The following PCDH15 variants were observed in gnomAD, a reference collection of about 807,000 sequenced individuals.
PCDH15 encodes protocadherin related 15, also known as protocadherin-15.
A neutral mutation model predicts 178.5 loss-of-function variants in PCDH15; 129 were observed. That is an observed-to-expected ratio of 0.72 (90% CI 0.63 to 0.84). The LOEUF is 0.84. Among genes scored for constraint, PCDH15 ranks in the 40% least tolerant of loss-of-function variants. The pLI is 0.00. For missense variants in PCDH15, 2,230 were observed against 2,099.9 expected (o/e 1.06, Z -1.21); for synonymous variants, 800 against 732.0 (o/e 1.09, Z -1.50).
chr10:55,329,838 C>G (rs1011124462), intron 2 of PCDH15, among the ~76,000 whole-genome samples: 1 of 151,594 alleles, frequency 6.6e-6, no homozygotes, highest in Non-Finnish European at 1.5e-5. Flanking sequence ...ATATTTTTTT[C>G]CATACAAAGG....
intron 15 of PCDH15, among the ~76,000 whole-genome samples, chr10:54,096,418 T>G (rs2136109460): frequency 6.6e-6 from 1 of 152,264 alleles, no homozygotes. Context: ...TACTCTACAC[T>G]ATTTATCATA....
intron 3 of PCDH15, among the ~76,000 whole-genome samples, chr10:54,866,182 G>A (rs984555221): frequency 5.9e-5 from 9 of 152,138 alleles, no homozygotes; most frequent in Non-Finnish European, 1.3e-4. Context: ...TTTAGTTCAT[G>A]CGTTAAATTA....
chr10:54,599,344 A>G (rs1204115454), intron 2 of PCDH15, among the ~76,000 whole-genome samples: 1 of 152,072 alleles, frequency 6.6e-6, no homozygotes, highest in Non-Finnish European at 1.5e-5. Flanking sequence ...GAGTCAAGAA[A>G]TAAGTCTGTA....
At chr10:54,342,275 C>A (rs999607245) in intron 6 of PCDH15, among the ~76,000 whole-genome samples, 1 of 152,162 alleles carries the variant, frequency 6.6e-6, no homozygotes, top group Non-Finnish European at 1.5e-5. Context: ...GACCAGGGCC[C>A]CACTGCTCTG....
rs1231685163 is a variant in PCDH15 at position 55,294,679 on chromosome 10, A to G, written c.-156+24920T>C. Among the ~76,000 whole-genome samples, 4 of 152,338 alleles carry G rather than the reference A, an allele frequency of 2.6e-5. No individual in the cohort carries two copies. The East Asian group carries it at 5.8e-4, about 22-fold the overall frequency. On this transcript the variant is annotated intron_variant, in intron 1 of 5. Coordinates refer to the PCDH15 transcript ENST00000458638. ...ATAATGCTTTGCATATAGGAGTCCA[A>G]TGTGTTCATCATTCCCAATAAGCCT...
intron 11 of PCDH15, among the ~76,000 whole-genome samples, chr10:54,186,872 A>T (rs548129716): frequency 6.6e-6 from 1 of 152,032 alleles, no homozygotes; most frequent in Non-Finnish European, 1.5e-5. Flanking sequence ...TAGAAAATGC[A>T]TATGTCTATT....
At chr10:54,105,640 C>T (rs1043515692) in intron 15 of PCDH15, among the ~76,000 whole-genome samples, 4 of 151,960 alleles carry the variant, frequency 2.6e-5, no homozygotes, top group African/African-American at 9.7e-5. Flanking sequence ...TCTGCCTTTC[C>T]TAGCCCACTA....
chr10:54,755,756 T>G (rs1033733944), intron 1 of PCDH15, among the ~76,000 whole-genome samples: 1 of 152,096 alleles, frequency 6.6e-6, no homozygotes, highest in African/African-American at 2.4e-5. Context: ...CTGTATAAGA[T>G]TAATAAAAAT....
chr10:54,078,395 A>G (rs924254354), intron 17 of PCDH15, among the ~76,000 whole-genome samples: 1 of 152,116 alleles, frequency 6.6e-6, no homozygotes, highest in East Asian at 1.9e-4. Flanking sequence ...CATTTATTTT[A>G]CATTTATTAT....
chr10:54,867,890 A>G (rs906124113), intron 3 of PCDH15, among the ~76,000 whole-genome samples: 1 of 152,180 alleles, frequency 6.6e-6, no homozygotes, highest in Non-Finnish European at 1.5e-5. Context: ...GATCTACTGC[A>G]CAGCATAGTG....
In PCDH15 at chr10:54,542,826, GC is replaced by G. The variant is rs558364606; in HGVS notation, c.92-14950del. Among the ~76,000 whole-genome samples the G allele has an allele frequency of 1.9e-3, 291 of 152,278 alleles. 1 individual carries two copies. Among genetic ancestry groups the G allele is most frequent in the African/African-American group, 6.8e-3 (281 of 41,568 alleles). ...TCCATAGGTGAAGACTGGCGCTCCT[GC>G]TTTTGTGCCCAAATGTTGCATTTTC... On this transcript the variant is annotated intron_variant, in intron 2 of 37. Transcript: ENST00000644397.
At chr10:55,234,574 T>C (rs1841321299) in intron 1 of PCDH15, among the ~76,000 whole-genome samples, 1 of 151,832 alleles carries the variant, frequency 6.6e-6, no homozygotes, top group South Asian at 2.1e-4. Context: ...AGAAATGGGG[T>C]CTCACCATGT....
At chr10:54,458,442 T>G (rs1274622669) in intron 3 of PCDH15, among the ~76,000 whole-genome samples, 2 of 152,146 alleles carry the variant, frequency 1.3e-5, no homozygotes, top group African/African-American at 4.8e-5. Flanking sequence ...CTCCATACAA[T>G]TCACTCAACC....
chr10:54,607,914 G>A (rs374027589), intron 2 of PCDH15: 5 of 522,592 alleles, frequency 9.6e-6, no homozygotes, highest in Non-Finnish European at 1.6e-5. Flanking sequence ...TTTTGTCTTT[G>A]AAAGTAATGT....
chr10:54,941,429 T>C (rs567825160), intron 2 of PCDH15, among the ~76,000 whole-genome samples: 1 of 152,214 alleles, frequency 6.6e-6, no homozygotes, highest in African/African-American at 2.4e-5. Flanking sequence ...GATTTATTTT[T>C]GGTTTCTTAC....
chr10:54,131,331 ATTTTG>A (rs2042417668), intron 15 of PCDH15, among the ~76,000 whole-genome samples: 1 of 152,098 alleles, frequency 6.6e-6, no homozygotes, highest in Admixed American at 6.6e-5. Context: ...TGTAAAATTT[ATTTTG>A]TTTTCCTTTT....
intron 1 of PCDH15, among the ~76,000 whole-genome samples, chr10:54,764,198 G>C (rs1948238510): frequency 6.6e-6 from 1 of 151,928 alleles, no homozygotes; most frequent in Admixed American, 6.6e-5. Flanking sequence ...TCAAAAATTG[G>C]TTCACTGAAT....
chr10:54,872,374 T>C (rs1954054739), intron 3 of PCDH15, among the ~76,000 whole-genome samples: 1 of 151,938 alleles, frequency 6.6e-6, no homozygotes, highest in Non-Finnish European at 1.5e-5. Context: ...AAAAGCAAAA[T>C]TTTCAAATAA....
At chr10:53,952,070 A>G (rs994075915) in intron 23 of PCDH15, among the ~76,000 whole-genome samples, 8 of 152,180 alleles carry the variant, frequency 5.3e-5, no homozygotes, top group African/African-American at 1.9e-4. Flanking sequence ...CAGAGTCCCA[A>G]AGACGGTGTC....
Sources: allele counts gnomAD v4.1 joint callset (sites outside exome capture counted in the v4.1 genomes callset), GRCh38; gene constraint gnomAD v4.1.1; transcripts MANE v1.5; gene names NCBI Gene and HGNC (gene_info 2026-07-23, HGNC 2026-07-21).